SH3D19: variants seen among roughly 807,000 people sequenced by gnomAD.
SH3D19 encodes the protein SH3 domain containing 19, also known as SH3 domain-containing protein 19.
A neutral mutation model predicts 112.1 loss-of-function variants in SH3D19; 58 were observed. That is an observed-to-expected ratio of 0.52 (90% confidence interval 0.42 to 0.64). The LOEUF (loss-of-function observed/expected upper bound fraction) is 0.64, where lower values mean the gene tolerates loss of function less well. Among genes scored for constraint, SH3D19 ranks in the 30% least tolerant of loss-of-function variants. The pLI is 0.00. For synonymous variants in SH3D19, 391 were observed against 448.5 expected (o/e 0.87, Z 1.62); for missense variants, 1,090 against 1,263.4 (o/e 0.86, Z 2.08).
chr4:151,249,947 TA>T (rs944488981), intron 1 of SH3D19, among the ~76,000 whole-genome samples: 4 of 152,226 alleles, frequency 2.6e-5, no homozygotes, highest in Non-Finnish European at 2.9e-5. Flanking sequence ...ATGCTTGAGT[TA>T]AAATATTTTC....
chr4:151,300,764 G>C (rs1182710373), intron 1 of SH3D19, among the ~76,000 whole-genome samples: 1 of 152,166 alleles, frequency 6.6e-6, no homozygotes, highest in Non-Finnish European at 1.5e-5. Context: ...GAATGGATTA[G>C]AGAAACAAGT....
intron 1 of SH3D19, among the ~76,000 whole-genome samples, chr4:151,268,091 ACAAAACT>A (rs1772948376): frequency 6.6e-6 from 1 of 152,222 alleles, no homozygotes; most frequent in Non-Finnish European, 1.5e-5. Flanking sequence ...GTGAAATGAC[ACAAAACT>A]CAGTGATACA....
intron 1 of SH3D19, chr4:151,279,655 GA>G: frequency 1.4e-6 from 1 of 723,928 alleles, no homozygotes; most frequent in East Asian, 2.7e-5. Context: ...GCTGGGTGTG[GA>G]ACCAGAATAG....
intron 1 of SH3D19, among the ~76,000 whole-genome samples, chr4:151,293,549 A>C (rs1775504397): frequency 1.3e-5 from 2 of 152,144 alleles, no homozygotes. Context: ...CTGGGTTAGT[A>C]GCATCTGGAT....
At chr4:151,265,275 A>G (rs1414027843) in intron 1 of SH3D19, among the ~76,000 whole-genome samples, 1 of 152,122 alleles carries the variant, frequency 6.6e-6, no homozygotes, top group African/African-American at 2.4e-5. Flanking sequence ...AATTTCAAAC[A>G]AGGCATACTT....
At chr4:151,272,752 G>C (rs1400677482) in intron 1 of SH3D19, among the ~76,000 whole-genome samples, 1 of 106,172 alleles carries the variant, frequency 9.4e-6, no homozygotes, top group Non-Finnish European at 2.4e-5. Flanking sequence ...AGAGATTCAG[G>C]TTTCACTTTT....
rs1770144049 is a variant in SH3D19 at position 151,237,135 on chromosome 4, A to G, written c.113-11049T>C. On this transcript the variant is annotated intron_variant, in intron 1 of 19. Coordinates refer to ENST00000604030, the MANE Select transcript of SH3D19 (RefSeq NM_001378122.1). ...GCGAAAGTCTGCAGCTTCACTCCTG[A>G]AGCCAGCGAGACCACGAACCCAGCG... Among the ~76,000 whole-genome samples the G allele has an allele frequency of 2.6e-5, 4 of 152,230 alleles. No homozygotes were observed. The South Asian group carries it at 8.3e-4, about 32-fold the overall frequency.
intron 2 of SH3D19, among the ~76,000 whole-genome samples, chr4:151,203,356 C>T (rs573576572): frequency 3.9e-5 from 6 of 152,310 alleles, no homozygotes; most frequent in South Asian, 2.1e-4. Flanking sequence ...CAGAACCTAA[C>T]CAGAAAGGTT....
intron 7 of SH3D19, among the ~76,000 whole-genome samples, chr4:151,170,150 G>A (rs1047037159): frequency 6.6e-6 from 1 of 152,178 alleles, no homozygotes; most frequent in Non-Finnish European, 1.5e-5. Context: ...CATGCCCAAA[G>A]GCACAGAAGG....
intron 17 of SH3D19, among the ~76,000 whole-genome samples, 162 bp downstream of exon 17, chr4:151,132,169 C>T (rs1213747620): frequency 6.6e-6 from 1 of 152,140 alleles, no homozygotes; most frequent in Non-Finnish European, 1.5e-5. Context: ...TGTATGAGCT[C>T]TCTATATAAA....
chr4:151,309,793 C>T (rs1263727819), intron 1 of SH3D19, among the ~76,000 whole-genome samples: 2 of 150,574 alleles, frequency 1.3e-5, no homozygotes, highest in African/African-American at 4.9e-5. Flanking sequence ...AGTTCTAGGC[C>T]AGCCTGGGCA....
At chr4:151,225,173 A>G (rs1458686604) in intron 2 of SH3D19, among the ~76,000 whole-genome samples, 1 of 152,218 alleles carries the variant, frequency 6.6e-6, no homozygotes, top group East Asian at 1.9e-4. Flanking sequence ...TGATCTCTTG[A>G]AAAAGCACCA....
At chr4:151,300,363 G>GA (rs908148728) in intron 1 of SH3D19, among the ~76,000 whole-genome samples, 65 of 151,616 alleles carry the variant, frequency 4.3e-4, no homozygotes, top group African/African-American at 1.5e-3. Flanking sequence ...CTCTACAAAT[G>GA]AAAAAAACAT....
At chr4:151,261,050 C>T (rs773096029) in intron 1 of SH3D19, 1 of 152,170 alleles carries the variant, frequency 6.6e-6, no homozygotes, top group Non-Finnish European at 1.5e-5. Flanking sequence ...CACACACACA[C>T]ACCCCTACAC....
intron 1 of SH3D19, among the ~76,000 whole-genome samples, chr4:151,275,147 C>A (rs1249701961): frequency 6.7e-6 from 1 of 150,104 alleles, no homozygotes; most frequent in Non-Finnish European, 1.5e-5. Context: ...AGTGCAGTGG[C>A]GCGATCTCGG....
At chr4:151,258,066 G>T (rs771736972) in intron 1 of SH3D19, among the ~76,000 whole-genome samples, 6 of 152,056 alleles carry the variant, frequency 3.9e-5, no homozygotes, top group Non-Finnish European at 7.4e-5. Context: ...AAATGAACAG[G>T]ATATAAATTA....
chr4:151,261,229 T>A (rs894981311), intron 1 of SH3D19: 4 of 151,988 alleles, frequency 2.6e-5, no homozygotes, highest in African/African-American at 9.7e-5. Context: ...CAGGGCAGAG[T>A]CACAAGAAAC....
intron 1 of SH3D19, among the ~76,000 whole-genome samples, chr4:151,254,286 A>C (rs546615028): frequency 1.4e-5 from 2 of 140,342 alleles, no homozygotes; most frequent in Non-Finnish European, 3.2e-5. Flanking sequence ...TTGAATTATT[A>C]TTTTTTTTAT....
At chr4:151,304,842 A>G (rs1400625152) in intron 1 of SH3D19, among the ~76,000 whole-genome samples, 2 of 152,182 alleles carry the variant, frequency 1.3e-5, no homozygotes, top group Non-Finnish European at 2.9e-5. Context: ...CTGTCAGAAT[A>G]TGCACAAAGA....
Sources: allele counts gnomAD v4.1 joint callset (sites outside exome capture counted in the v4.1 genomes callset), GRCh38; gene constraint gnomAD v4.1.1; transcripts MANE v1.5; gene names NCBI Gene and HGNC (gene_info 2026-07-23, HGNC 2026-07-21).